DHX35: variants seen among roughly 807,000 people sequenced by gnomAD.
DHX35 encodes probable ATP-dependent RNA helicase DHX35.
Under a neutral mutation model 99.6 loss-of-function variants are expected in DHX35, and 84 were observed. That is an observed-to-expected ratio of 0.84 (90% CI 0.71 to 1.01). The LOEUF (loss-of-function observed/expected upper bound fraction) is 1.01, where lower values mean the gene tolerates loss of function less well. DHX35 is among the 50% of genes least tolerant of loss of function. The pLI is 0.00. For missense variants in DHX35, 852 were observed against 888.5 expected (o/e 0.96, Z 0.52); for synonymous variants, 331 against 316.2 (o/e 1.05, Z -0.50).
At position 39,004,160 on chromosome 20, in the gene DHX35, T is replaced by C. The variant is rs1299554750; in HGVS notation, c.1011+253T>C. ...TCACTGCAAGCTCTGCCTCCCGGGT[T>C]CACGCCATTCTCCTGCCTCAGCCTC... is the stretch of plus-strand genomic sequence containing the variant. On this transcript the variant is annotated intron_variant, in intron 11 of 21. Coordinates refer to ENST00000252011, the MANE Select transcript of DHX35 (RefSeq NM_021931.4). Among the ~76,000 whole-genome samples, 3 of 152,308 alleles carry C rather than the reference T, an allele frequency of 2.0e-5. No homozygotes were observed. The East Asian group carries it at 5.8e-4, about 29-fold the overall frequency.
chr20:38,981,391 C>T lies in DHX35; in HGVS notation c.268-2308C>T, dbSNP rs181389734. Among the ~76,000 whole-genome samples, 12 of 152,078 alleles carry T rather than the reference C, an allele frequency of 7.9e-5. No homozygotes were observed. The East Asian group carries it at 2.3e-3, about 29-fold the overall frequency. On this transcript the variant is annotated intron_variant, in intron 3 of 21. Transcript: ENST00000252011. ...CCTCACTTATTTCTTAGATTATTTG[C>T]GTGTATCAATATGGATTCATAGATA...
chr20:39,035,702 C>T (rs202155360), intron 21 of DHX35, among the ~76,000 whole-genome samples: 18 of 152,276 alleles, frequency 1.2e-4, no homozygotes, highest in Non-Finnish European at 2.2e-4. Flanking sequence ...CGCCAGGTGC[C>T]GTAGTCCCAT....
Position 38,983,773 on chromosome 20 carries a change from T to TA in DHX35, c.343dup (p.Thr115AsnfsTer8). 3.1e-6 allele frequency: 5 copies of TA among 1,613,288 alleles called. No individual in the cohort carries two copies. Among genetic ancestry groups the TA allele is most frequent in the Non-Finnish European group, 4.2e-6 (5 of 1,179,428 alleles). On this transcript the variant is annotated frameshift_variant, in exon 4 of 22. Coordinates refer to ENST00000252011, the MANE Select transcript of DHX35 (RefSeq NM_021931.4). LOFTEE classifies it high-confidence loss of function. ...CCCAGCCTCGAAGAGTGGCTGCTGT[T>TA]ACAGTGAGTTTCTTTTTGTGTTGGA... is the stretch of plus-strand genomic sequence containing the variant.
At chr20:39,038,457 G>A (rs1363287390) in intron 21 of DHX35, 42 bp from the exon 22 acceptor site, 1 of 1,611,406 alleles carries the variant, frequency 6.2e-7, no homozygotes, top group South Asian at 1.1e-5. Context: ...TGGTTTCTTT[G>A]TCTAATCAAC....
At position 39,013,310 on chromosome 20, in the gene DHX35, T is replaced by C. The variant is rs548743417; in HGVS notation, c.1348-1570T>C. 7.2e-5 allele frequency among the ~76,000 whole-genome samples: 11 copies of C among 152,344 alleles called. No homozygotes were observed. The East Asian group carries it at 2.1e-3, about 29-fold the overall frequency. On this transcript the variant is annotated intron_variant, in intron 13 of 21. Coordinates refer to ENST00000252011, the MANE Select transcript of DHX35 (RefSeq NM_021931.4). Reference sequence around the variant, plus strand: ...AGCAATAAGAAAATTGACTTTTTTATGGAGTATGATTGTCATAGAGTATTA... The same window carrying C: ...AGCAATAAGAAAATTGACTTTTTTACGGAGTATGATTGTCATAGAGTATTA...
chr20:39,027,706 GA>G (rs763900872), intron 18 of DHX35, among the ~76,000 whole-genome samples: 1 of 151,774 alleles, frequency 6.6e-6, no homozygotes, highest in Non-Finnish European at 1.5e-5. Flanking sequence ...TGTCACCAAA[GA>G]AAAAAAATGC....
chr20:39,022,835 A>AGATT (rs1310873229), intron 16 of DHX35, among the ~76,000 whole-genome samples: 1 of 152,244 alleles, frequency 6.6e-6, no homozygotes, highest in Non-Finnish European at 1.5e-5. Flanking sequence ...CTGAAGAGAT[A>AGATT]GATACTCAGA....
chr20:38,981,607 A>G (rs2086173488), intron 3 of DHX35, among the ~76,000 whole-genome samples: 1 of 151,998 alleles, frequency 6.6e-6, no homozygotes, highest in African/African-American at 2.4e-5. Flanking sequence ...ATTTTTTCCT[A>G]CACAAGCCCT....
chr20:39,009,762 A>G (rs1568744844), intron 12 of DHX35, among the ~76,000 whole-genome samples: 1 of 151,934 alleles, frequency 6.6e-6, no homozygotes, highest in African/African-American at 2.4e-5. Context: ...GCATGTAAAC[A>G]TTCATTTCTT....
intron 7 of DHX35, among the ~76,000 whole-genome samples, chr20:38,992,704 A>G (rs1296982448): frequency 2.0e-5 from 3 of 152,092 alleles, no homozygotes; most frequent in Non-Finnish European, 2.9e-5. Flanking sequence ...TGTATCTTGC[A>G]TATTTCCCTT....
intron 7 of DHX35, among the ~76,000 whole-genome samples, chr20:38,994,101 T>C (rs1287741392): frequency 5.9e-5 from 9 of 152,184 alleles, no homozygotes; most frequent in Non-Finnish European, 1.5e-5. Flanking sequence ...TTATTATTAT[T>C]ATTTTCATTG....
chr20:38,962,714 T>C, intron 1 of DHX35: 1 of 415,716 alleles, frequency 2.4e-6, no homozygotes, highest in South Asian at 3.5e-5. Flanking sequence ...ATCCTAAAGC[T>C]CCCTCTCGTG....
At chr20:39,026,342 G>C (rs2086957350) in intron 18 of DHX35, among the ~76,000 whole-genome samples, 2 of 152,188 alleles carry the variant, frequency 1.3e-5, no homozygotes, top group Non-Finnish European at 2.9e-5. Flanking sequence ...CAGAACCTGA[G>C]CCCAGGCGGT....
chr20:38,963,780 C>T (rs1864694636), intron 1 of DHX35, among the ~76,000 whole-genome samples: 1 of 152,176 alleles, frequency 6.6e-6, no homozygotes, highest in Non-Finnish European at 1.5e-5. Context: ...AATACAGATG[C>T]TCAGGGCTCT....
chr20:39,032,785 T>C (rs1358084237), intron 20 of DHX35, among the ~76,000 whole-genome samples: 1 of 152,174 alleles, frequency 6.6e-6, no homozygotes, highest in Non-Finnish European at 1.5e-5. Flanking sequence ...GATGTTTCTT[T>C]TGGGCAGTAA....
Position 39,028,507 on chromosome 20 carries a change from G to A in DHX35, c.1883+8G>A, listed in dbSNP as rs761632132. ...TTCTACTGGAGCTTATAGGTAACAT[G>A]ATACTTGGTGAAGTCATTTGTTAAA... On this transcript the variant is annotated splice_region_variant and intron_variant, in intron 19 of 21. Transcript: ENST00000252011. 9 of 1,613,930 alleles carry A rather than the reference G, an allele frequency of 5.6e-6. No individual in the cohort carries two copies. Among genetic ancestry groups the A allele is most frequent in the South Asian group, 1.1e-5 (1 of 91,076 alleles).
intron 13 of DHX35, among the ~76,000 whole-genome samples, chr20:39,011,203 A>C (rs1398020761): frequency 6.6e-6 from 1 of 151,604 alleles, no homozygotes; most frequent in Non-Finnish European, 1.5e-5. Context: ...TGAATATTAA[A>C]GACATTAATT....
At chr20:38,994,029 G>A (rs2086383822) in intron 7 of DHX35, among the ~76,000 whole-genome samples, 1 of 152,130 alleles carries the variant, frequency 6.6e-6, no homozygotes, top group South Asian at 2.1e-4. Context: ...TGCACAGTGG[G>A]TACACTGTGT....
chr20:39,004,003 C>A, intron 11 of DHX35, 96 bp downstream of exon 11: 1 of 1,349,794 alleles, frequency 7.4e-7, no homozygotes, highest in Non-Finnish European at 1.0e-6. Context: ...ACAAGGCAGA[C>A]TTCTAGGTCC....
Sources: allele counts gnomAD v4.1 joint callset (sites outside exome capture counted in the v4.1 genomes callset), GRCh38; gene constraint gnomAD v4.1.1; transcripts MANE v1.5; gene names NCBI Gene and HGNC (gene_info 2026-07-23, HGNC 2026-07-21).